The following CSGALNACT1 variants were observed in gnomAD, a reference collection of about 807,000 sequenced individuals.
CSGALNACT1 encodes the protein chondroitin sulfate N-acetylgalactosaminyltransferase 1.
CSGALNACT1 carries 52 observed loss-of-function variants against 51.0 expected under a neutral mutation model. The ratio of observed to expected loss-of-function variants is 1.02; its 90% confidence interval spans 0.82 to 1.29. The LOEUF is 1.29. Among genes scored for constraint, CSGALNACT1 ranks in the 50% most tolerant of loss-of-function variants. The pLI is 0.00. For synonymous variants in CSGALNACT1, 341 were observed against 254.4 expected, an observed-to-expected ratio of 1.34 and a Z score of -3.24; for missense variants, 935 against 679.2, an observed-to-expected ratio of 1.38 and a Z score of -4.19.
At chr8:19,571,532 A>T (rs906283126) in intron 3 of CSGALNACT1, among the ~76,000 whole-genome samples, 1 of 152,040 alleles carries the variant, frequency 6.6e-6, no homozygotes, top group South Asian at 2.1e-4. Flanking sequence ...TTTCTCCCCA[A>T]CTAATATGGC....
chr8:19,566,538 A>G (rs1201102310), intron 3 of CSGALNACT1, among the ~76,000 whole-genome samples: 1 of 152,230 alleles, frequency 6.6e-6, no homozygotes, highest in East Asian at 1.9e-4. Context: ...TACACATTAT[A>G]AAAAACCTGG....
chr8:19,541,088 ATTTTT>A (rs5889873), intron 3 of CSGALNACT1, among the ~76,000 whole-genome samples: 1 of 148,082 alleles, frequency 6.8e-6, no homozygotes, highest in East Asian at 2.0e-4. Flanking sequence ...CTGGGTGATA[ATTTTT>A]TTTTTTAATG....
chr8:19,631,255 G>C (rs1157153497), intron 1 of CSGALNACT1, among the ~76,000 whole-genome samples: 1 of 151,710 alleles, frequency 6.6e-6, no homozygotes, highest in African/African-American at 2.4e-5. Flanking sequence ...ACTATGTTTA[G>C]CTTTGGAAAA....
chr8:19,657,427 CA>C (rs1264395041), intron 1 of CSGALNACT1, among the ~76,000 whole-genome samples: 1 of 152,076 alleles, frequency 6.6e-6, no homozygotes, highest in Non-Finnish European at 1.5e-5. Flanking sequence ...CTAGAATTGA[CA>C]AAAAACATCA....
chr8:19,415,596 C>T (rs183378917), intron 8 of CSGALNACT1, among the ~76,000 whole-genome samples: 3 of 152,166 alleles, frequency 2.0e-5, no homozygotes, highest in East Asian at 1.9e-4. Context: ...TGATTCCCTT[C>T]GCAACTCCTA....
At chr8:19,634,053 T>C (rs1564309396) in intron 1 of CSGALNACT1, among the ~76,000 whole-genome samples, 1 of 152,176 alleles carries the variant, frequency 6.6e-6, no homozygotes, top group Non-Finnish European at 1.5e-5. Context: ...TCCTGGGACT[T>C]GGGAGTTTGT....
chr8:19,660,739 C>T (rs953673496), intron 1 of CSGALNACT1, among the ~76,000 whole-genome samples: 19 of 152,120 alleles, frequency 1.2e-4, no homozygotes, highest in African/African-American at 4.3e-4. Context: ...ATATTAAAGG[C>T]AATGACATGG....
chr8:19,408,949 A>AACACACACACACACACACACACAC (rs5889870), intron 8 of CSGALNACT1, among the ~76,000 whole-genome samples: 8,822 of 141,866 alleles, frequency 0.062, 366 homozygotes, highest in Middle Eastern at 0.076. Flanking sequence ...TAGATATGAA[A>AACACACACACACACACACACACAC]ACACACACAC....
chr8:19,570,273 C>G (rs781326301), intron 3 of CSGALNACT1, among the ~76,000 whole-genome samples: 15 of 152,072 alleles, frequency 9.9e-5, no homozygotes, highest in Admixed American at 3.3e-4. Flanking sequence ...GCTTAATATT[C>G]GTTTTAATCA....
intron 7 of CSGALNACT1, among the ~76,000 whole-genome samples, chr8:19,420,026 C>T (rs1451111464): frequency 6.6e-6 from 1 of 152,198 alleles, no homozygotes; most frequent in Non-Finnish European, 1.5e-5. Flanking sequence ...CTTACACACA[C>T]TGTCTCGCCT....
intron 3 of CSGALNACT1, among the ~76,000 whole-genome samples, chr8:19,553,926 C>CAA (rs71205932): frequency 6.6e-6 from 1 of 151,102 alleles, no homozygotes; most frequent in African/African-American, 2.4e-5. Flanking sequence ...CACACACACA[C>CAA]CCAGAATCAA....
chr8:19,602,766 G>C (rs1208127374), upstream of CSGALNACT1: 1 of 152,160 alleles, frequency 6.6e-6, no homozygotes. Context: ...GAATGGGAAA[G>C]AGGTGCAAGC....
At chr8:19,480,388 G>C (rs1364788838) in intron 4 of CSGALNACT1, among the ~76,000 whole-genome samples, 2 of 152,118 alleles carry the variant, frequency 1.3e-5, no homozygotes, top group Non-Finnish European at 2.9e-5. Context: ...TTTTGCATTA[G>C]TTTGCTTAGA....
At chr8:19,704,183 C>G (rs965695363) in intron 1 of CSGALNACT1, among the ~76,000 whole-genome samples, 2 of 152,178 alleles carry the variant, frequency 1.3e-5, no homozygotes, top group Non-Finnish European at 2.9e-5. Context: ...TCCATTTCCC[C>G]CAGTCCCTGG....
intron 4 of CSGALNACT1, among the ~76,000 whole-genome samples, chr8:19,476,188 T>C (rs575450976): frequency 6.6e-6 from 1 of 152,298 alleles, no homozygotes; most frequent in South Asian, 2.1e-4. Context: ...AAACTTGGCC[T>C]ATAGGAATAG....
intron 3 of CSGALNACT1, among the ~76,000 whole-genome samples, chr8:19,550,891 T>C (rs2087867852): frequency 6.6e-6 from 1 of 152,192 alleles, no homozygotes; most frequent in Non-Finnish European, 1.5e-5. Flanking sequence ...CCTACTCTCA[T>C]TTGTATCTAC....
At chr8:19,530,288 C>G (rs1415672218) in intron 3 of CSGALNACT1, among the ~76,000 whole-genome samples, 1 of 151,246 alleles carries the variant, frequency 6.6e-6, no homozygotes, top group East Asian at 1.9e-4. Flanking sequence ...TGAATCCATT[C>G]AATATCCATG....
At chr8:19,422,410 T>C (rs1240484103) in intron 6 of CSGALNACT1, among the ~76,000 whole-genome samples, 1 of 152,166 alleles carries the variant, frequency 6.6e-6, no homozygotes. Flanking sequence ...GCCCAACTCT[T>C]GGCTTCATGC....
intron 1 of CSGALNACT1, among the ~76,000 whole-genome samples, chr8:19,669,603 C>A (rs1238429311): frequency 6.6e-6 from 1 of 152,116 alleles, no homozygotes; most frequent in Admixed American, 6.6e-5. Flanking sequence ...TAGGTGCCTG[C>A]CACCATGCCT....
Sources: allele counts gnomAD v4.1 joint callset (sites outside exome capture counted in the v4.1 genomes callset), GRCh38; gene constraint gnomAD v4.1.1; transcripts MANE v1.5; gene names NCBI Gene and HGNC (gene_info 2026-07-23, HGNC 2026-07-21).